Variants in NKAIN3 observed in about 807,000 individuals in gnomAD.
NKAIN3 encodes the protein sodium/potassium-transporting ATPase subunit beta-1-interacting protein 3.
In NKAIN3, 25 loss-of-function variants were observed where a neutral mutation model predicts 30.2. The ratio of observed to expected loss-of-function variants is 0.83; its 90% CI spans 0.60 to 1.16. The LOEUF (loss-of-function observed/expected upper bound fraction) is 1.16, where lower values mean the gene tolerates loss of function less well. Among genes scored for constraint, NKAIN3 ranks in the 50% most tolerant of loss-of-function variants. The probability of loss-of-function intolerance (pLI) is 0.00; values close to 1 mark genes in which losing one functional copy is unlikely to be tolerated. For synonymous variants in NKAIN3, 91 were observed against 89.6 expected, an observed-to-expected ratio of 1.02 and a Z score of -0.09; for missense variants, 225 against 254.1, an observed-to-expected ratio of 0.89 and a Z score of 0.78.
At chr8:62,347,108 G>A (rs149411722) in intron 1 of NKAIN3, among the ~76,000 whole-genome samples, 177 of 152,264 alleles carry the variant, frequency 1.2e-3, no homozygotes, top group Middle Eastern at 3.4e-3. Context: ...GTTGGTTCTG[G>A]AGGGTGTAGT....
At chr8:62,395,160 C>A (rs951561371) in intron 1 of NKAIN3, among the ~76,000 whole-genome samples, 1 of 151,396 alleles carries the variant, frequency 6.6e-6, no homozygotes, top group African/African-American at 2.4e-5. Context: ...GGGACAGAGG[C>A]GGTCCTCACT....
At chr8:62,492,307 C>T (rs1326797831) in intron 1 of NKAIN3, among the ~76,000 whole-genome samples, 1 of 152,074 alleles carries the variant, frequency 6.6e-6, no homozygotes, top group Non-Finnish European at 1.5e-5. Flanking sequence ...AATTTGGGAA[C>T]ACTTGGTCTT....
At position 62,974,183 on chromosome 8, in the gene NKAIN3, T is replaced by C. The variant is rs1272847730; in HGVS notation, c.*8776T>C. Among the ~76,000 whole-genome samples, 1 of 149,714 alleles carries C rather than the reference T, an allele frequency of 6.7e-6. No homozygotes were observed. The highest frequency in any genetic ancestry group is 1.5e-5 in the Non-Finnish European group (1 of 67,380). ...GTTCCCTATGAAATTTAAAGTAGTT[T>C]TTTCTAATTCTGTGAAGAAAATCAA... On this transcript the variant is annotated 3_prime_UTR_variant, in exon 7 of 7. Coordinates refer to ENST00000623646, the MANE Select transcript of NKAIN3 (RefSeq NM_001304533.3).
intron 3 of NKAIN3, among the ~76,000 whole-genome samples, chr8:62,664,174 C>T (rs1287398334): frequency 4.6e-5 from 7 of 151,940 alleles, no homozygotes; most frequent in Non-Finnish European, 1.0e-4. Flanking sequence ...TCTGAATCCA[C>T]AGTTTTTCCT....
At chr8:62,715,901 C>A (rs563688301) in intron 3 of NKAIN3, among the ~76,000 whole-genome samples, 1 of 152,254 alleles carries the variant, frequency 6.6e-6, no homozygotes, top group South Asian at 2.1e-4. Context: ...ATAAAAGGAG[C>A]AGGGTGGCAA....
intron 3 of NKAIN3, among the ~76,000 whole-genome samples, chr8:62,626,580 C>T (rs1188079525): frequency 6.6e-6 from 1 of 152,028 alleles, no homozygotes; most frequent in Non-Finnish European, 1.5e-5. Context: ...AAGGCGGGGG[C>T]TTTGGGGACA....
chr8:62,297,822 G>A (rs972971443), intron 1 of NKAIN3, among the ~76,000 whole-genome samples: 7 of 152,144 alleles, frequency 4.6e-5, no homozygotes, highest in African/African-American at 1.7e-4. Flanking sequence ...CCCATTACTG[G>A]GTATATACCC....
At chr8:62,383,569 G>A (rs1445436419) in intron 1 of NKAIN3, 2 of 453,944 alleles carry the variant, frequency 4.4e-6, no homozygotes, top group Admixed American at 4.7e-5. Flanking sequence ...GCTGCCTTTT[G>A]GTTTGAAGAA....
chr8:62,317,075 T>A (rs569642221), intron 1 of NKAIN3, among the ~76,000 whole-genome samples: 209 of 152,348 alleles, frequency 1.4e-3, no homozygotes, highest in African/African-American at 4.7e-3. Flanking sequence ...AAATGTCTTC[T>A]TTTGAGAAGT....
intron 1 of NKAIN3, among the ~76,000 whole-genome samples, chr8:62,501,896 G>A (rs1807466568): frequency 6.6e-6 from 1 of 152,158 alleles, no homozygotes; most frequent in Non-Finnish European, 1.5e-5. Flanking sequence ...GATGAGTCAT[G>A]CCTGGGATAC....
intron 1 of NKAIN3, among the ~76,000 whole-genome samples, chr8:62,327,571 GCCTTTCCCCATT>G (rs1815185024): frequency 1.3e-5 from 2 of 151,958 alleles, no homozygotes; most frequent in East Asian, 3.9e-4. Flanking sequence ...TTGAGGACTG[GCCTTTCCCCATT>G]GAATAGCCTT....
intron 1 of NKAIN3, among the ~76,000 whole-genome samples, chr8:62,471,681 G>A (rs367756525): frequency 2.0e-5 from 3 of 152,110 alleles, no homozygotes; most frequent in South Asian, 2.1e-4. Flanking sequence ...GGGGCTGGGC[G>A]CGGTGACTCA....
intron 4 of NKAIN3, among the ~76,000 whole-genome samples, chr8:62,833,289 T>C (rs1204878536): frequency 6.6e-6 from 1 of 150,890 alleles, no homozygotes; most frequent in Non-Finnish European, 1.5e-5. Context: ...AAGAACAAAA[T>C]AACCCCAAAG....
rs190081257 is a variant in NKAIN3, at chr8:62,478,194, T to G, written c.55-101345T>G. 1.7e-3 allele frequency among the ~76,000 whole-genome samples: 266 copies of G among 152,222 alleles called. 1 individual carries two copies. The highest frequency in any genetic ancestry group is 6.1e-3 in the African/African-American group (255 of 41,518). ...ATTATTATTATTACCATGTTACTGA[T>G]GAGGAAACTGAGACATAGTTAATCA... On this transcript the variant is annotated intron_variant, in intron 1 of 6. Transcript: ENST00000623646.
intron 3 of NKAIN3, among the ~76,000 whole-genome samples, chr8:62,612,538 G>T (rs1182911621): frequency 2.7e-5 from 4 of 145,992 alleles, no homozygotes; most frequent in African/African-American, 5.0e-5. Flanking sequence ...AATGGGTCTT[G>T]TTTTTTTTTT....
At chr8:62,288,910 C>G (rs1813474898) in intron 1 of NKAIN3, among the ~76,000 whole-genome samples, 2 of 152,136 alleles carry the variant, frequency 1.3e-5, no homozygotes, top group African/African-American at 4.8e-5. Flanking sequence ...TCTGTTGTTA[C>G]CTGACTTTTT....
At chr8:62,790,335 A>C (rs1049740678) in intron 4 of NKAIN3, among the ~76,000 whole-genome samples, 19 of 152,174 alleles carry the variant, frequency 1.2e-4, no homozygotes, top group Non-Finnish European at 1.5e-4. Context: ...GCTATCTATG[A>C]CAAACCCACA....
intron 4 of NKAIN3, among the ~76,000 whole-genome samples, chr8:62,912,064 C>G (rs191351501): frequency 1.3e-5 from 2 of 152,262 alleles, no homozygotes; most frequent in Admixed American, 1.3e-4. Flanking sequence ...TTACACAGAA[C>G]TAGGTGGTGT....
At chr8:62,870,256 A>T (rs200367307) in intron 4 of NKAIN3, among the ~76,000 whole-genome samples, 9 of 45,594 alleles carry the variant, frequency 2.0e-4, no homozygotes, top group Non-Finnish European at 3.6e-4. Flanking sequence ...ATATCTATAT[A>T]TATATCTATA....
Sources: allele counts gnomAD v4.1 joint callset (sites outside exome capture counted in the v4.1 genomes callset), GRCh38; gene constraint gnomAD v4.1.1; transcripts MANE v1.5; gene names NCBI Gene and HGNC (gene_info 2026-07-23, HGNC 2026-07-21).